The following TPCN1 variants were observed in gnomAD, a reference collection of about 807,000 sequenced individuals.
TPCN1 encodes two pore channel protein 1.
A neutral mutation model predicts 108.8 loss-of-function variants in TPCN1; 52 were observed. The ratio of observed to expected loss-of-function variants is 0.48; its 90% CI spans 0.38 to 0.60. TPCN1 has a LOEUF of 0.60. Ranked by LOEUF, TPCN1 falls within the 20% of genes least tolerant of loss-of-function variation. The pLI is 0.00. For missense variants in TPCN1, 806 were observed against 1,072.8 expected, an observed-to-expected ratio of 0.75 and a Z score of 3.47; for synonymous variants, 446 against 433.7, an observed-to-expected ratio of 1.03 and a Z score of -0.35.
At position 113,277,318 on chromosome 12, in the gene TPCN1, T is replaced by C. The variant is rs751631003; in HGVS notation, c.1138T>C (p.Tyr380His). Residue 380 changes from tyrosine to histidine, a missense_variant, in exon 12 of 28, where the codon TAT (tyrosine) becomes CAT (histidine). By Grantham distance (83) the Tyr-to-His change is moderately conservative. Transcript: ENST00000335509. ...YKPRMSARERYLTFKALNQNN... is the reference protein window; with the variant it reads ...YKPRMSARERHLTFKALNQNN... Reference sequence around the variant, plus strand: ...GCCCCGGATGAGTGCCAGGGAGCGCTATCTTACCTTCAAGGCCCTGAATCA... The same window carrying C: ...GCCCCGGATGAGTGCCAGGGAGCGCCATCTTACCTTCAAGGCCCTGAATCA... 1 of 1,614,164 alleles carries C rather than the reference T, an allele frequency of 6.2e-7. No individual in the cohort carries two copies.
At position 113,244,243 on chromosome 12, in the gene TPCN1, C is replaced by T. The variant is rs141615385; in HGVS notation, c.113-16125C>T. ...CAGGGCTTGACCCGTGGTACTGCCC[C>T]GTTGAGCCTTTCTTTTTCCCTTTCC... is the stretch of plus-strand genomic sequence containing the variant. On this transcript the variant is annotated intron_variant, in intron 2 of 27. Coordinates refer to ENST00000335509, the MANE Select transcript of TPCN1 (RefSeq NM_017901.6). 2.3e-4 allele frequency: 209 copies of T among 924,710 alleles called. 1 individual carries two copies. In the African/African-American group the frequency reaches 3.2e-3, roughly 14 times the overall value. 57.3% of individuals were successfully genotyped at this position (924,710 alleles called of 1,614,324 possible).
At chr12:113,246,051 T>C (rs751924172) in intron 2 of TPCN1, 1 of 456,020 alleles carries the variant, frequency 2.2e-6, no homozygotes, top group South Asian at 1.5e-5. Flanking sequence ...AGTGTTACCG[T>C]GTGTGCAAAC....
rs1167840224 is a variant in TPCN1, at chr12:113,296,174, A to G, written c.*98A>G. ...GGTGTGTGTACACATACTCACGTATATGCACATATTTATATACAGGAAGAA... is the reference window on the plus strand; with the variant it reads ...GGTGTGTGTACACATACTCACGTATGTGCACATATTTATATACAGGAAGAA... On this transcript the variant is annotated 3_prime_UTR_variant, in exon 28 of 28. Transcript: ENST00000335509. 1.3e-6 allele frequency: 2 copies of G among 1,498,514 alleles called. No homozygotes were observed. The highest frequency in any genetic ancestry group is 1.8e-6 in the Non-Finnish European group (2 of 1,106,632). The allele number at this position is 1,498,514 out of a possible 1,614,324, so 92.8% of individuals were successfully genotyped here. A position where few individuals can be genotyped will look rare whatever the true frequency, so the allele number is the denominator to read the frequency against.
rs187532396 is a variant in TPCN1, at chr12:113,289,012, G to A, written c.1796+165G>A. Among the ~76,000 whole-genome samples the A allele has an allele frequency of 6.6e-6, 1 of 152,200 alleles. No individual in the cohort carries two copies. Among genetic ancestry groups the A allele is most frequent in the Non-Finnish European group, 1.5e-5 (1 of 68,036 alleles). Reference sequence around the variant, plus strand: ...CTTAGTTGAGTGCAGTGAGCTAAATGAGGGGCCTGGACTCGGGGTCCCTGT... The same window carrying A: ...CTTAGTTGAGTGCAGTGAGCTAAATAAGGGGCCTGGACTCGGGGTCCCTGT... On this transcript the variant is annotated intron_variant, in intron 21 of 27. Transcript: ENST00000335509. The surrounding 1 kb of genome is among the most constrained non-coding windows in gnomAD (Gnocchi z 4.1).
chr12:113,286,960 TG>T, intron 18 of TPCN1, 26 bp from the exon 19 acceptor site: 1 of 1,574,832 alleles, frequency 6.3e-7, no homozygotes, highest in Non-Finnish European at 8.7e-7. Context: ...GGCCACAGGG[TG>T]GACCTTGGCC....
intron 15 of TPCN1, 163 bp downstream of exon 15, chr12:113,280,358 C>T (rs1955845774): frequency 5.7e-6 from 3 of 527,914 alleles, no homozygotes; most frequent in Non-Finnish European, 1.0e-5. Context: ...CCACACGCAT[C>T]CCCGTGCCCA....
In TPCN1 at chr12:113,284,557, CT is replaced by C. The variant is rs1956000979; in HGVS notation, c.1343-20del. ...CTAAGCCCCCCTGTTATTTCTCTGT[CT>C]TTTACGGGCCTGTGTATTTCAGACT... On this transcript the variant is annotated intron_variant, in intron 15 of 27. Transcript: ENST00000335509. The surrounding 1 kb of genome is among the most constrained non-coding windows in gnomAD (Gnocchi z 4.1). 10 of 1,613,772 alleles carry C rather than the reference CT, an allele frequency of 6.2e-6. No homozygotes were observed. In the East Asian group the frequency reaches 2.2e-4, roughly 36 times the overall value.
In TPCN1 at chr12:113,296,886, G is replaced by GGGCTCTTT. The variant is rs1956445263; in HGVS notation, c.*810_*811insGGCTCTTT. On this transcript the variant is annotated 3_prime_UTR_variant, in exon 28 of 28. Coordinates refer to ENST00000335509, the MANE Select transcript of TPCN1 (RefSeq NM_017901.6). ...AGACCACTTCGTGGAATGGGCTCTT[G>GGGCTCTTT]ACCAAATCCCTTTTTTTGCGATTTA... 6.6e-6 allele frequency: 1 copy of GGGCTCTTT among 152,250 alleles called. No homozygotes were observed. Among genetic ancestry groups the GGGCTCTTT allele is most frequent in the African/African-American group, 2.4e-5 (1 of 41,452 alleles). The allele number at this position is 152,250 out of a possible 1,614,324, so 9.4% of individuals were successfully genotyped here.
chr12:113,262,183 T>G lies in TPCN1; in HGVS notation c.237+1691T>G, dbSNP rs573947858. On this transcript the variant is annotated intron_variant, in intron 3 of 27. Coordinates refer to ENST00000335509, the MANE Select transcript of TPCN1 (RefSeq NM_017901.6). ...GCAGCTCTCCACTGCAAGTATTTGT[T>G]TTGTCATTTAAAAAGGATTTAGTGA... Among the ~76,000 whole-genome samples, 3 of 152,304 alleles carry G rather than the reference T, an allele frequency of 2.0e-5. No individual in the cohort carries two copies. The East Asian group carries it at 5.8e-4, about 29-fold the overall frequency.
In TPCN1 at chr12:113,278,232, T is replaced by G. The variant is rs1167199105; in HGVS notation, c.1228T>G (p.Trp410Gly). ...YDIYEVAALK[W>G]KAKKNREHWF... ...TATCTACGAAGTTGCTGCTTTGAAGTGGAAGGTGAGTTCTTCTCTGAGACC... is the reference window on the plus strand; with the variant it reads ...TATCTACGAAGTTGCTGCTTTGAAGGGGAAGGTGAGTTCTTCTCTGAGACC... The change falls in exon 13 of 28, where the codon TGG (tryptophan) becomes GGG (glycine). Residue 410 changes from tryptophan to glycine, a missense_variant. Trp to Gly is a radical substitution (Grantham distance 184). Coordinates refer to ENST00000335509, the MANE Select transcript of TPCN1 (RefSeq NM_017901.6). The G allele has an allele frequency of 6.2e-7, 1 of 1,613,748 alleles. No individual in the cohort carries two copies. Among genetic ancestry groups the G allele is most frequent in the East Asian group, 2.2e-5 (1 of 44,854 alleles).
At chr12:113,292,843 C>T in intron 25 of TPCN1, 91 bp from the exon 26 acceptor site, 3 of 1,443,304 alleles carry the variant, frequency 2.1e-6, no homozygotes, top group Admixed American at 2.1e-5. Flanking sequence ...CCTTAAGACC[C>T]CCTGCGGAAG....
chr12:113,297,924 CTG>C lies in TPCN1; in HGVS notation c.*1849_*1850del, dbSNP rs1470836711. 4 of 152,286 alleles carry C rather than the reference CTG, an allele frequency of 2.6e-5. No homozygotes were observed. Among genetic ancestry groups the C allele is most frequent in the Admixed American group, 2.0e-4 (3 of 15,292 alleles). The allele number at this position is 152,286 out of a possible 1,614,324, so 9.4% of individuals were successfully genotyped here. ...AGGTGTGAGTCTCTGACCTGAGCAT[CTG>C]GGCCTCGCCTGGGCCCTTCTTCCTC... is the stretch of plus-strand genomic sequence containing the variant. On this transcript the variant is annotated 3_prime_UTR_variant, in exon 28 of 28. Coordinates refer to ENST00000335509, the MANE Select transcript of TPCN1 (RefSeq NM_017901.6). The surrounding 1 kb of genome is among the most constrained non-coding windows in gnomAD (Gnocchi z 4.4).
At chr12:113,241,761 C>CGCGT (rs1954134505) in intron 2 of TPCN1, among the ~76,000 whole-genome samples, 1 of 144,376 alleles carries the variant, frequency 6.9e-6, no homozygotes, top group Non-Finnish European at 1.5e-5. Context: ...CGTGCCTCTG[C>CGCGT]GTGTGTGTGT....
rs759206164 is a variant in TPCN1, at chr12:113,273,595, A to T, written c.869A>T (p.Tyr290Phe). The T allele has an allele frequency of 4.3e-5, 70 of 1,613,620 alleles. No homozygotes were observed. Among genetic ancestry groups the T allele is most frequent in the Non-Finnish European group, 5.7e-5 (67 of 1,179,940 alleles). ...ANFPDVMMPSYSRNPWSCVFF... is the reference protein window; with the variant it reads ...ANFPDVMMPSFSRNPWSCVFF... The stretch of plus-strand genomic sequence containing the variant: ...TTCCCAGATGTGATGATGCCCTCCT[A>T]CTCCCGGAACCCCTGGTCCTGCGTC... The change falls in exon 10 of 28, where the codon TAC (tyrosine) becomes TTC (phenylalanine). Residue 290 changes from tyrosine to phenylalanine, a missense_variant. Transcript: ENST00000335509. The surrounding 1 kb of genome is among the most constrained non-coding windows in gnomAD (Gnocchi z 4.0).
chr12:113,236,403 T>A (rs1455655226), intron 2 of TPCN1, among the ~76,000 whole-genome samples: 1 of 152,190 alleles, frequency 6.6e-6, no homozygotes, highest in Non-Finnish European at 1.5e-5. Context: ...GCCCTTTGGC[T>A]GGACACCATG....
At chr12:113,262,705 T>G (rs1179071725) in intron 3 of TPCN1, among the ~76,000 whole-genome samples, 1 of 152,180 alleles carries the variant, frequency 6.6e-6, no homozygotes, top group African/African-American at 2.4e-5. Flanking sequence ...CATTCCTTCC[T>G]TTCCTAAGCA....
chr12:113,262,658 ACAGACT>A (rs1955086428), intron 3 of TPCN1, among the ~76,000 whole-genome samples: 1 of 152,210 alleles, frequency 6.6e-6, no homozygotes, highest in Non-Finnish European at 1.5e-5. Context: ...AGGTCAGAAC[ACAGACT>A]CAGAATGGTT....
At chr12:113,295,907 C>T (rs1333763465) in intron 27 of TPCN1, 53 bp from the exon 28 acceptor site, 16 of 854,058 alleles carry the variant, frequency 1.9e-5, no homozygotes, top group East Asian at 1.0e-4. Context: ...GTGGGGTGGG[C>T]GGGGCAGGGG....
In TPCN1 at chr12:113,285,927, G is replaced by A. The variant is rs957547200; in HGVS notation, c.1492G>A (p.Gly498Ser). ...GCTGTTCCTGAAGGTTGCCGGCCTG[G>A]GCCCTGTGGAGTACTTGTCTTCCGG... is the stretch of plus-strand genomic sequence containing the variant. ...VELFLKVAGL[G>S]PVEYLSSGWN... Residue 498 changes from glycine (G) to serine (S), a missense_variant, in exon 18 of 28, where the codon GGC becomes AGC. Physicochemically the swap from Gly to Ser is moderately conservative, Grantham distance 56 (BLOSUM62 0). Coordinates refer to ENST00000335509, the MANE Select transcript of TPCN1 (RefSeq NM_017901.6). 1 of 1,614,112 alleles carries A rather than the reference G, an allele frequency of 6.2e-7. No individual in the cohort carries two copies. Among genetic ancestry groups the A allele is most frequent in the African/African-American group, 1.3e-5 (1 of 74,938 alleles).
Sources: gnomAD v4.1 joint callset for allele counts (sites outside exome capture counted in the v4.1 genomes callset) on GRCh38, gnomAD v4.1.1 for gene constraint, Gnocchi (gnomAD v3.1) non-coding constraint, MANE v1.5 for transcripts, NCBI Gene and HGNC (gene_info 2026-07-23, HGNC 2026-07-21) for gene names.